The following KIF6 variants were observed in gnomAD, a reference collection of about 807,000 sequenced individuals.
KIF6 encodes kinesin-like protein KIF6.
KIF6 carries 106 observed loss-of-function variants against 112.7 expected under a neutral mutation model. That is an observed-to-expected ratio of 0.94 (90% CI 0.80 to 1.11). The LOEUF is 1.11. Among genes scored for constraint, KIF6 ranks in the 50% least tolerant of loss-of-function variants. The pLI is 0.00. For synonymous variants in KIF6, 339 were observed against 339.9 expected (o/e 1.00, Z 0.03); for missense variants, 929 against 964.0 (o/e 0.96, Z 0.48).
intron 15 of KIF6, among the ~76,000 whole-genome samples, chr6:39,403,941 C>T (rs926005027): frequency 3.9e-5 from 6 of 152,156 alleles, no homozygotes; most frequent in Non-Finnish European, 5.9e-5. Flanking sequence ...GCCATCTGTA[C>T]GTCCTTTTTG....
At chr6:39,457,593 G>T (rs1037681361) in intron 13 of KIF6, among the ~76,000 whole-genome samples, 18 of 151,948 alleles carry the variant, frequency 1.2e-4, no homozygotes, top group South Asian at 2.1e-4. Flanking sequence ...CTGGTTTTTT[G>T]AAAGGATCAA....
intron 5 of KIF6, among the ~76,000 whole-genome samples, chr6:39,634,588 T>C (rs994935595): frequency 6.6e-6 from 1 of 152,062 alleles, no homozygotes; most frequent in Non-Finnish European, 1.5e-5. Flanking sequence ...GCACCCAATC[T>C]TAGAGAAAAT....
At chr6:39,337,160 T>C (rs796869095) in intron 22 of KIF6, among the ~76,000 whole-genome samples, 9,051 of 63,758 alleles carry the variant, frequency 0.14, 977 homozygotes, top group East Asian at 0.23. Flanking sequence ...CTTTCTTTTC[T>C]TTCTTTCCTT....
At chr6:39,621,626 T>C (rs562148393) in intron 5 of KIF6, among the ~76,000 whole-genome samples, 6 of 152,322 alleles carry the variant, frequency 3.9e-5, no homozygotes, top group Admixed American at 6.5e-5. Context: ...CAATAATACA[T>C]TGGATGAATG....
chr6:39,567,613 T>G (rs544851292), intron 10 of KIF6, among the ~76,000 whole-genome samples: 1 of 148,740 alleles, frequency 6.7e-6, no homozygotes, highest in Admixed American at 6.7e-5. Flanking sequence ...AGTGATTTCT[T>G]TTTTTTTTTT....
chr6:39,611,951 A>C (rs1050724859), intron 6 of KIF6, among the ~76,000 whole-genome samples: 1 of 152,334 alleles, frequency 6.6e-6, no homozygotes, highest in African/African-American at 2.4e-5. Flanking sequence ...AAACTACGTG[A>C]ATGTTGTTTC....
rs554932268 is a variant in KIF6 at position 39,564,111 on chromosome 6, A to G, written c.1181+13945T>C. ...TACAGTCCTGTACTCTGCCCAACAC[A>G]TGCTAGTTGACTGATCTGGAAAGCA... is the stretch of plus-strand genomic sequence containing the variant. On this transcript the variant is annotated intron_variant, in intron 10 of 22. Transcript: ENST00000287152. Among the ~76,000 whole-genome samples, 13 of 152,324 alleles carry G rather than the reference A, an allele frequency of 8.5e-5. No individual in the cohort carries two copies. In the South Asian group the frequency reaches 2.5e-3, roughly 29 times the overall value.
intron 13 of KIF6, among the ~76,000 whole-genome samples, chr6:39,523,065 A>T (rs1433008518): frequency 1.3e-5 from 2 of 152,182 alleles, no homozygotes; most frequent in East Asian, 3.9e-4. Context: ...ACATATGCAT[A>T]ATTTAACCAA....
chr6:39,357,479 C>T (rs187017900), intron 18 of KIF6, 105 bp from the exon 19 acceptor site: 32 of 647,052 alleles, frequency 4.9e-5, no homozygotes, highest in Admixed American at 2.8e-4. Flanking sequence ...GATGGAGTCT[C>T]GCTCTGTTGC....
chr6:39,697,387 G>A (rs932956815), intron 3 of KIF6, among the ~76,000 whole-genome samples: 6 of 152,016 alleles, frequency 3.9e-5, no homozygotes, highest in Admixed American at 2.6e-4. Flanking sequence ...TGGTGCTGTC[G>A]GCCACATGGA....
At chr6:39,650,370 AC>A (rs2150789206) in intron 3 of KIF6, among the ~76,000 whole-genome samples, 1 of 152,240 alleles carries the variant, frequency 6.6e-6, no homozygotes, top group Non-Finnish European at 1.5e-5. Context: ...AATGCATGAA[AC>A]TTTAATGAAG....
At chr6:39,647,392 G>A (rs919311840) in intron 3 of KIF6, among the ~76,000 whole-genome samples, 4 of 152,102 alleles carry the variant, frequency 2.6e-5, no homozygotes, top group South Asian at 2.1e-4. Flanking sequence ...GCAGGCAGGT[G>A]TATGGACCCC....
intron 13 of KIF6, among the ~76,000 whole-genome samples, chr6:39,440,423 G>A (rs917488414): frequency 2.6e-5 from 4 of 152,196 alleles, no homozygotes; most frequent in Non-Finnish European, 5.9e-5. Flanking sequence ...GATCAAGTGT[G>A]TTTTTTGTAT....
intron 4 of KIF6, among the ~76,000 whole-genome samples, chr6:39,636,664 T>C (rs1458640953): frequency 3.3e-5 from 5 of 152,008 alleles, no homozygotes; most frequent in African/African-American, 4.8e-5. Flanking sequence ...ATACATAGAC[T>C]CTGTCCCTCT....
At chr6:39,485,210 G>A (rs1314269613) in intron 13 of KIF6, among the ~76,000 whole-genome samples, 2 of 152,154 alleles carry the variant, frequency 1.3e-5, no homozygotes, top group African/African-American at 2.4e-5. Flanking sequence ...GATGAGATCA[G>A]CCACCTGCAG....
At chr6:39,712,711 C>G (rs368087296) in intron 3 of KIF6, among the ~76,000 whole-genome samples, 156 of 152,188 alleles carry the variant, frequency 1.0e-3, no homozygotes, top group African/African-American at 3.5e-3. Flanking sequence ...GACAGAAAAC[C>G]AAACACCGCA....
chr6:39,650,022 A>T (rs1338082035), intron 3 of KIF6, among the ~76,000 whole-genome samples: 2 of 152,126 alleles, frequency 1.3e-5, no homozygotes, highest in East Asian at 3.9e-4. Flanking sequence ...ATGATTTGCA[A>T]ATTCTCCTCC....
At chr6:39,678,848 T>C (rs1217125583) in intron 3 of KIF6, among the ~76,000 whole-genome samples, 1 of 152,148 alleles carries the variant, frequency 6.6e-6, no homozygotes, top group East Asian at 1.9e-4. Flanking sequence ...TTTTGGAGTC[T>C]TTACAATAGA....
chr6:39,515,856 G>A (rs73412760), intron 13 of KIF6, among the ~76,000 whole-genome samples: 3,245 of 152,208 alleles, frequency 0.021, 119 homozygotes, highest in African/African-American at 0.072. Context: ...ATACTTATGC[G>A]TTATTAAAAT....
Sources: gnomAD v4.1 joint callset for allele counts (sites outside exome capture counted in the v4.1 genomes callset) on GRCh38, gnomAD v4.1.1 for gene constraint, MANE v1.5 for transcripts, NCBI Gene and HGNC (gene_info 2026-07-23, HGNC 2026-07-21) for gene names.